GPR158: variants seen among roughly 807,000 people sequenced by gnomAD.
GPR158 encodes G protein-coupled receptor 158.
Under a neutral mutation model 78.2 loss-of-function variants are expected in GPR158, and 30 were observed. That is an observed-to-expected ratio of 0.38 (90% CI 0.29 to 0.52). The LOEUF (loss-of-function observed/expected upper bound fraction) is 0.52. GPR158 is among the 20% of genes least tolerant of loss of function. The probability of loss-of-function intolerance (pLI) is 0.83; values close to 1 mark genes in which losing one functional copy is unlikely to be tolerated. For synonymous variants in GPR158, 581 were observed against 591.1 expected (o/e 0.98, Z 0.25); for missense variants, 1,463 against 1,523.5 (o/e 0.96, Z 0.66).
At chr10:25,581,801 T>G (rs1317930615) in intron 7 of GPR158, among the ~76,000 whole-genome samples, 1 of 152,034 alleles carries the variant, frequency 6.6e-6, no homozygotes, top group Non-Finnish European at 1.5e-5. Context: ...CCATATCCAG[T>G]TCCCTCCCCA....
intron 2 of GPR158, among the ~76,000 whole-genome samples, chr10:25,385,104 A>G (rs1834205437): frequency 2.0e-5 from 3 of 152,162 alleles, no homozygotes; most frequent in South Asian, 4.1e-4. Flanking sequence ...CTCTACACCC[A>G]TTGAACAACT....
intron 1 of GPR158, among the ~76,000 whole-genome samples, chr10:25,203,168 G>A (rs1852961024): frequency 6.6e-6 from 1 of 151,992 alleles, no homozygotes. Context: ...TTGTCAGATG[G>A]GTAGATTGCA....
chr10:25,587,142 T>TG (rs1191187392), intron 7 of GPR158, among the ~76,000 whole-genome samples: 3 of 152,140 alleles, frequency 2.0e-5, no homozygotes, highest in African/African-American at 7.2e-5. Flanking sequence ...TCATGATGGG[T>TG]GAGGGATCTG....
At chr10:25,293,064 C>G (rs1191844026) in intron 2 of GPR158, among the ~76,000 whole-genome samples, 1 of 152,172 alleles carries the variant, frequency 6.6e-6, no homozygotes, top group Non-Finnish European at 1.5e-5. Flanking sequence ...AGAAAATTGT[C>G]TTCTACTGTC....
intron 1 of GPR158, among the ~76,000 whole-genome samples, chr10:25,214,957 T>G (rs769687147): frequency 1.2e-4 from 18 of 152,216 alleles, no homozygotes; most frequent in Non-Finnish European, 2.1e-4. Context: ...CTTAACAAAC[T>G]AATACACCAT....
chr10:25,570,686 G>A (rs541877197), intron 6 of GPR158, among the ~76,000 whole-genome samples: 2 of 152,170 alleles, frequency 1.3e-5, no homozygotes, highest in Admixed American at 1.3e-4. Context: ...AGGCCGAGGC[G>A]GGCAGATCAC....
intron 4 of GPR158, among the ~76,000 whole-genome samples, chr10:25,422,769 T>C (rs1485171325): frequency 1.3e-5 from 2 of 152,002 alleles, no homozygotes; most frequent in Non-Finnish European, 2.9e-5. Flanking sequence ...ATAAGTTCTT[T>C]AGTGGTGATT....
intron 5 of GPR158, among the ~76,000 whole-genome samples, chr10:25,505,319 G>A (rs1835996196): frequency 6.6e-6 from 1 of 152,156 alleles, no homozygotes; most frequent in African/African-American, 2.4e-5. Context: ...TAAGACTGTA[G>A]AATAACTCCT....
intron 7 of GPR158, among the ~76,000 whole-genome samples, chr10:25,575,977 A>G (rs1837088298): frequency 6.6e-6 from 1 of 151,940 alleles, no homozygotes; most frequent in African/African-American, 2.4e-5. Flanking sequence ...GGCCACTCTC[A>G]CTTTATATGA....
chr10:25,318,020 G>A (rs1854885795), intron 2 of GPR158, among the ~76,000 whole-genome samples: 1 of 152,154 alleles, frequency 6.6e-6, no homozygotes, highest in Non-Finnish European at 1.5e-5. Context: ...ACCGTGCCTG[G>A]CCCATAAAGT....
intron 2 of GPR158, among the ~76,000 whole-genome samples, chr10:25,331,375 T>G (rs1855119894): frequency 6.6e-6 from 1 of 152,192 alleles, no homozygotes; most frequent in Non-Finnish European, 1.5e-5. Context: ...TTAGCAGTAT[T>G]TTTGCTCTTT....
intron 1 of GPR158, among the ~76,000 whole-genome samples, chr10:25,184,980 G>T (rs1219735822): frequency 6.6e-6 from 1 of 152,188 alleles, no homozygotes; most frequent in Admixed American, 6.5e-5. Flanking sequence ...GGCCTTTGCT[G>T]TGGGGGCTGT....
intron 6 of GPR158, among the ~76,000 whole-genome samples, chr10:25,564,878 CTGATAGACTTT>C (rs1413866114): frequency 6.6e-6 from 1 of 152,154 alleles, no homozygotes; most frequent in Non-Finnish European, 1.5e-5. Context: ...CTTTTATGGA[CTGATAGACTTT>C]TGAAGTTCCC....
At chr10:25,191,860 T>G (rs1198533017) in intron 1 of GPR158, among the ~76,000 whole-genome samples, 1 of 152,024 alleles carries the variant, frequency 6.6e-6, no homozygotes, top group Non-Finnish European at 1.5e-5. Context: ...CTCCCTCACT[T>G]TTTTTGGGGT....
intron 3 of GPR158, among the ~76,000 whole-genome samples, chr10:25,399,091 A>G (rs1309626012): frequency 2.0e-5 from 3 of 152,234 alleles, no homozygotes; most frequent in African/African-American, 7.2e-5. Flanking sequence ...GAGAGGCTTC[A>G]GGAAACTTAC....
intron 1 of GPR158, among the ~76,000 whole-genome samples, chr10:25,211,381 G>A (rs1853128128): frequency 6.6e-6 from 1 of 152,150 alleles, no homozygotes; most frequent in Non-Finnish European, 1.5e-5. Context: ...CCATTGTTGG[G>A]AGGCCACACG....
At chr10:25,507,863 A>G (rs1836033532) in intron 5 of GPR158, among the ~76,000 whole-genome samples, 1 of 152,232 alleles carries the variant, frequency 6.6e-6, no homozygotes, top group Admixed American at 6.5e-5. Flanking sequence ...AAGGCAATCA[A>G]TTTGAATGCT....
Position 25,176,719 on chromosome 10 carries a change from A to G in GPR158, c.902+397A>G, listed in dbSNP as rs778604568. On this transcript the variant is annotated intron_variant, in intron 1 of 10. Coordinates refer to ENST00000376351, the MANE Select transcript of GPR158 (RefSeq NM_020752.3). This position sits in a 1 kb window ranked among gnomAD's most constrained non-coding sequence, Gnocchi z 6.3. ...CGCCGGGTGTGTCCGCGGAGTGGCA[A>G]GCCTCAGATGAGAGGCGAAAAGGGA... 6.6e-6 allele frequency among the ~76,000 whole-genome samples: 1 copy of G among 152,216 alleles called. No individual in the cohort carries two copies. Among genetic ancestry groups the G allele is most frequent in the Non-Finnish European group, 1.5e-5 (1 of 68,046 alleles).
chr10:25,483,788 G>T (rs573000847), intron 5 of GPR158, among the ~76,000 whole-genome samples: 5 of 151,936 alleles, frequency 3.3e-5, no homozygotes, highest in Non-Finnish European at 7.4e-5. Context: ...ACAAATTCTT[G>T]TACCTTTTAA....
Sources: allele counts gnomAD v4.1 joint callset (sites outside exome capture counted in the v4.1 genomes callset), GRCh38; gene constraint gnomAD v4.1.1; non-coding constraint Gnocchi (gnomAD v3.1); transcripts MANE v1.5; gene names NCBI Gene and HGNC (gene_info 2026-07-23, HGNC 2026-07-21).